The following IGSF5 variants were observed in gnomAD, a reference collection of about 807,000 sequenced individuals.
The protein encoded by IGSF5 is immunoglobulin superfamily member 5, also known as immunoglobulin superfamily 5 like.
Under a neutral mutation model 39.4 loss-of-function variants are expected in IGSF5, and 41 were observed. The observed-to-expected ratio is 1.04, with a 90% CI of 0.81 to 1.35. The LOEUF (loss-of-function observed/expected upper bound fraction) is 1.35, where lower values mean the gene tolerates loss of function less well. Among genes scored for constraint, IGSF5 ranks in the 40% most tolerant of loss-of-function variants. The pLI is 0.00. For synonymous variants in IGSF5, 183 were observed against 175.3 expected, an observed-to-expected ratio of 1.04 and a Z score of -0.34; for missense variants, 487 against 494.6, an observed-to-expected ratio of 0.98 and a Z score of 0.15.
intron 5 of IGSF5, among the ~76,000 whole-genome samples, chr21:39,783,596 A>G (rs2080182562): frequency 6.6e-6 from 1 of 152,174 alleles, no homozygotes; most frequent in South Asian, 2.1e-4. Context: ...GAGATGTTTG[A>G]GTTCCTTATA....
chr21:39,763,765 C>G (rs908077490), intron 2 of IGSF5, among the ~76,000 whole-genome samples: 5 of 152,126 alleles, frequency 3.3e-5, no homozygotes, highest in African/African-American at 1.2e-4. Context: ...GTTATTACAT[C>G]ACGGACCCTC....
intron 4 of IGSF5, among the ~76,000 whole-genome samples, chr21:39,777,496 G>A (rs1443016791): frequency 2.0e-5 from 3 of 152,258 alleles, no homozygotes; most frequent in South Asian, 4.2e-4. Context: ...CATGTGAAGG[G>A]TCTGCCTTGT....
At chr21:39,774,815 A>G (rs189905239) in intron 4 of IGSF5, among the ~76,000 whole-genome samples, 1 of 152,340 alleles carries the variant, frequency 6.6e-6, no homozygotes, top group African/African-American at 2.4e-5. Flanking sequence ...TGTTTTGAGA[A>G]ATGGCAATTT....
intron 2 of IGSF5, among the ~76,000 whole-genome samples, chr21:39,763,116 C>T (rs568543473): frequency 3.9e-5 from 6 of 152,220 alleles, no homozygotes; most frequent in South Asian, 2.1e-4. Flanking sequence ...GACGAGCTCC[C>T]GGGACCTAAA....
At chr21:39,789,142 T>C (rs2086944769) in intron 6 of IGSF5, among the ~76,000 whole-genome samples, 1 of 151,778 alleles carries the variant, frequency 6.6e-6, no homozygotes. Flanking sequence ...TGATTGCTAC[T>C]ACCAGCGGAA....
At chr21:39,735,760 T>G in the IGSF5 span, among the ~76,000 whole-genome samples, 2 of 152,270 alleles carry the variant, frequency 1.3e-5, no homozygotes, top group East Asian at 3.9e-4. Flanking sequence ...GAAGCAAAAT[T>G]GGTCAATATC....
chr21:39,759,264 G>GAGC (rs2080048565), intron 2 of IGSF5, among the ~76,000 whole-genome samples: 1 of 152,184 alleles, frequency 6.6e-6, no homozygotes. Flanking sequence ...TTAAATCTAA[G>GAGC]AGCACCAGAA....
rs896384073 is a variant in IGSF5 at position 39,774,863 on chromosome 21, G to A, written c.718+3648G>A. Among the ~76,000 whole-genome samples the A allele has an allele frequency of 5.9e-5, 9 of 152,208 alleles. No individual in the cohort carries two copies. The East Asian group carries it at 1.7e-3, about 29-fold the overall frequency. On this transcript the variant is annotated intron_variant, in intron 4 of 8. Coordinates refer to ENST00000380588, the MANE Select transcript of IGSF5 (RefSeq NM_001080444.2). ...AGAGTAGTAGAAGTGACAGTCCTAG[G>A]CCTTTGCCCTGGCACTGATGGTGCA...
At chr21:39,792,249 C>A in intron 7 of IGSF5, 150 bp downstream of exon 7, 1 of 593,050 alleles carries the variant, frequency 1.7e-6, no homozygotes, top group African/African-American at 1.9e-5. Context: ...AATTCTAGAA[C>A]TTGGAATACT....
At chr21:39,792,349 T>C (rs1195101710) in intron 7 of IGSF5, among the ~76,000 whole-genome samples, 2 of 152,056 alleles carry the variant, frequency 1.3e-5, no homozygotes, top group African/African-American at 4.8e-5. Flanking sequence ...AAAAACTTTG[T>C]TTTTTTCCAT....
chr21:39,775,900 A>G (rs1375491408), intron 4 of IGSF5, among the ~76,000 whole-genome samples: 1 of 152,154 alleles, frequency 6.6e-6, no homozygotes, highest in Admixed American at 6.5e-5. Context: ...ATTATTCTAC[A>G]TTGGAGACAA....
intron 7 of IGSF5, among the ~76,000 whole-genome samples, chr21:39,792,672 G>A (rs2146294426): frequency 6.6e-6 from 1 of 152,252 alleles, no homozygotes; most frequent in Non-Finnish European, 1.5e-5. Flanking sequence ...CCCCTTGAAT[G>A]TAACAGGGAG....
At chr21:39,739,252 C>CTTTT in the IGSF5 span, among the ~76,000 whole-genome samples, 11 of 142,016 alleles carry the variant, frequency 7.7e-5, no homozygotes, top group African/African-American at 2.8e-4. Flanking sequence ...TTTTCTTCTG[C>CTTTT]TTTTTTTTTT....
intron 3 of IGSF5, among the ~76,000 whole-genome samples, chr21:39,767,529 C>T (rs2080092874): frequency 1.3e-5 from 2 of 152,162 alleles, no homozygotes; most frequent in Non-Finnish European, 1.5e-5. Flanking sequence ...GCCGTGGTGT[C>T]AAATGAGTAG....
intron 5 of IGSF5, among the ~76,000 whole-genome samples, chr21:39,785,245 A>G (rs1202552742): frequency 2.0e-5 from 3 of 149,594 alleles, no homozygotes; most frequent in Non-Finnish European, 3.0e-5. Flanking sequence ...CATTCAGGAC[A>G]TAGGCATGGG....
chr21:39,724,262 A>G, the IGSF5 span, among the ~76,000 whole-genome samples: 1 of 152,198 alleles, frequency 6.6e-6, no homozygotes, highest in South Asian at 2.1e-4. Flanking sequence ...TACCCAGCTA[A>G]AAGAATACAT....
intron 2 of IGSF5, among the ~76,000 whole-genome samples, chr21:39,757,464 T>C (rs973585519): frequency 2.0e-5 from 3 of 151,986 alleles, no homozygotes; most frequent in African/African-American, 7.3e-5. Flanking sequence ...CCAGTGATTC[T>C]CAAATTTGAC....
rs1348986646 is a variant in IGSF5 at position 39,801,302 on chromosome 21, A to G, written c.1169A>G (p.Gln390Arg). The change falls in exon 9 of 9, where the codon CAG (glutamine) becomes CGG (arginine). Residue 390 changes from glutamine (Q) to arginine (R), a missense_variant. Gln to Arg is a conservative substitution (Grantham distance 43). Transcript: ENST00000380588. ...CCACCCAGGCCAGCAAGTCATCCACAGGCTTCTTTTAATCTGGCCAGTCCT... is the reference window on the plus strand; with the variant it reads ...CCACCCAGGCCAGCAAGTCATCCACGGGCTTCTTTTAATCTGGCCAGTCCT... Reference protein sequence around the residue: ...QRPPRPASHPQASFNLASPEK... With the variant: ...QRPPRPASHPRASFNLASPEK... 1.9e-6 allele frequency: 3 copies of G among 1,614,044 alleles called. No individual in the cohort carries two copies. The highest frequency in any genetic ancestry group is 1.3e-5 in the African/African-American group (1 of 74,942).
chr21:39,737,388 C>T, the IGSF5 span, among the ~76,000 whole-genome samples: 3 of 152,120 alleles, frequency 2.0e-5, no homozygotes, highest in Non-Finnish European at 4.4e-5. Context: ...ACATTTTCTA[C>T]TTGGAGACAG....
Sources: allele counts gnomAD v4.1 joint callset (sites outside exome capture counted in the v4.1 genomes callset), GRCh38; gene constraint gnomAD v4.1.1; transcripts MANE v1.5; gene names NCBI Gene and HGNC (gene_info 2026-07-23, HGNC 2026-07-21).